Variants in ATP2C1 observed in about 807,000 individuals in gnomAD.
ATP2C1 encodes ATPase secretory pathway Ca2+ transporting 1, also known as calcium-transporting ATPase type 2C member 1.
A neutral mutation model predicts 120.5 loss-of-function variants in ATP2C1; 31 were observed. That is an observed-to-expected ratio of 0.26 (90% CI 0.19 to 0.35). The LOEUF (loss-of-function observed/expected upper bound fraction) is 0.35. ATP2C1 is among the 10% of genes least tolerant of loss of function. The probability of loss-of-function intolerance (pLI) is 1.00; values close to 1 mark genes in which losing one functional copy is unlikely to be tolerated. For missense variants in ATP2C1, 731 were observed against 1,107.5 expected (o/e 0.66, Z 4.83); for synonymous variants, 351 against 358.7 (o/e 0.98, Z 0.24).
chr3:131,014,149 G>A (rs2063462345), intron 26 of ATP2C1: 2 of 1,613,362 alleles, frequency 1.2e-6, no homozygotes, highest in Non-Finnish European at 1.7e-6. Context: ...CACTTGGTGT[G>A]TGCAGTGGTT....
intron 4 of ATP2C1, among the ~76,000 whole-genome samples, chr3:130,933,063 G>A (rs114736454): frequency 0.013 from 1,973 of 152,206 alleles, 39 homozygotes; most frequent in African/African-American, 0.045. Context: ...CATTAACATA[G>A]TTTACTCTGG....
intron 8 of ATP2C1, among the ~76,000 whole-genome samples, chr3:130,953,436 GT>G (rs200477416): frequency 0.065 from 9,905 of 151,516 alleles, 405 homozygotes; most frequent in Non-Finnish European, 0.095. Flanking sequence ...ATCGTCGATG[GT>G]TTTAATCTGC....
chr3:130,974,201 A>G (rs190473710), intron 17 of ATP2C1, among the ~76,000 whole-genome samples: 2 of 152,374 alleles, frequency 1.3e-5, no homozygotes, highest in Admixed American at 6.5e-5. Context: ...AGAGGTGGTT[A>G]TTAACTTTAT....
chr3:130,897,359 A>C (rs1391360478), intron 2 of ATP2C1, among the ~76,000 whole-genome samples: 1 of 152,216 alleles, frequency 6.6e-6, no homozygotes, highest in Non-Finnish European at 1.5e-5. Flanking sequence ...ACAAGTTACT[A>C]GGCTTCTAAG....
chr3:130,866,356 C>A (rs62280751), intron 1 of ATP2C1, among the ~76,000 whole-genome samples: 15,309 of 152,178 alleles, frequency 0.1, 883 homozygotes, highest in Non-Finnish European at 0.13. Flanking sequence ...GAAATGTTAT[C>A]CAACTTATTT....
intron 5 of ATP2C1, among the ~76,000 whole-genome samples, chr3:130,935,110 A>G (rs2059611200): frequency 6.6e-6 from 1 of 152,176 alleles, no homozygotes; most frequent in Non-Finnish European, 1.5e-5. Flanking sequence ...TCGAAATTAC[A>G]GGTGTGAGCC....
Position 131,001,593 on chromosome 3 carries a change from T to A in ATP2C1, c.*243T>A. The A allele has an allele frequency of 8.5e-7, 1 of 1,171,872 alleles. No individual in the cohort carries two copies. Among genetic ancestry groups the A allele is most frequent in the East Asian group, 5.0e-5 (1 of 19,954 alleles). 72.6% of individuals were successfully genotyped at this position (1,171,872 alleles called of 1,614,324 possible). On this transcript the variant is annotated 3_prime_UTR_variant, in exon 28 of 28. Transcript: ENST00000510168. ...TGATTGAGTGAAACTTTATAAAGCA[T>A]ATGGTCAGTTATTTAATTAAAAAGG...
intron 1 of ATP2C1, among the ~76,000 whole-genome samples, chr3:130,880,573 C>A (rs1449120456): frequency 1.3e-5 from 2 of 152,184 alleles, no homozygotes; most frequent in East Asian, 1.9e-4. Flanking sequence ...AATAAATTTT[C>A]TAAGCTAAAG....
intron 17 of ATP2C1, among the ~76,000 whole-genome samples, chr3:130,970,397 C>CAA (rs2061250716): frequency 6.7e-6 from 1 of 148,926 alleles, no homozygotes; most frequent in Non-Finnish European, 1.5e-5. Context: ...CACACACACA[C>CAA]ACACACACAC....
At chr3:130,912,943 G>T (rs1423261812) in intron 2 of ATP2C1, among the ~76,000 whole-genome samples, 1 of 151,076 alleles carries the variant, frequency 6.6e-6, no homozygotes, top group African/African-American at 2.4e-5. Context: ...ATGAGTTCAT[G>T]TCCTTTGTAG....
intron 4 of ATP2C1, 144 bp downstream of exon 4, chr3:130,932,282 G>A: frequency 1.6e-6 from 1 of 638,196 alleles, no homozygotes; most frequent in East Asian, 2.8e-5. Flanking sequence ...TCATTTGTTG[G>A]GGCTTACTGT....
At chr3:130,876,903 ATTG>A (rs1244067332) in intron 1 of ATP2C1, among the ~76,000 whole-genome samples, 6 of 151,638 alleles carry the variant, frequency 4.0e-5, no homozygotes, top group Admixed American at 2.0e-4. Context: ...ATTTCTTTTT[ATTG>A]TTGTTGTTAT....
downstream of ATP2C1, among the ~76,000 whole-genome samples, chr3:131,004,749 G>C (rs1236852065): frequency 6.6e-6 from 1 of 152,234 alleles, no homozygotes; most frequent in African/African-American, 2.4e-5. Flanking sequence ...CAGTAGGACA[G>C]TGCAGCCAAA....
chr3:130,955,758 A>G, intron 10 of ATP2C1: 1 of 241,548 alleles, frequency 4.1e-6, no homozygotes, highest in Non-Finnish European at 8.2e-6. Flanking sequence ...CAAAAGGGAA[A>G]AATTGGAAAA....
chr3:130,952,038 G>GA (rs1411338459), intron 8 of ATP2C1, among the ~76,000 whole-genome samples: 1 of 152,084 alleles, frequency 6.6e-6, no homozygotes, highest in Non-Finnish European at 1.5e-5. Context: ...GCCTTTACAT[G>GA]AAATCCACTC....
chr3:130,950,461 G>A (rs778752566), intron 8 of ATP2C1, among the ~76,000 whole-genome samples: 1 of 151,920 alleles, frequency 6.6e-6, no homozygotes, highest in Admixed American at 6.6e-5. Flanking sequence ...CTTCTCAGAC[G>A]AATTAAATTG....
rs114993640 is a variant in ATP2C1 at position 130,934,016 on chromosome 3, G to A, written c.235-606G>A. Among the ~76,000 whole-genome samples, 423 of 152,262 alleles carry A rather than the reference G, an allele frequency of 2.8e-3. 1 individual carries two copies. Among genetic ancestry groups the A allele is most frequent in the African/African-American group, 9.8e-3 (408 of 41,544 alleles). ...AGAATGTCCAACTGGAAGAATTTGGGGTTGACTCTGGTGTGAGGTCATTTA... is the reference window on the plus strand; with the variant it reads ...AGAATGTCCAACTGGAAGAATTTGGAGTTGACTCTGGTGTGAGGTCATTTA... On this transcript the variant is annotated intron_variant, in intron 4 of 27. Coordinates refer to ENST00000510168, the MANE Select transcript of ATP2C1 (RefSeq NM_001378687.1).
intron 8 of ATP2C1, among the ~76,000 whole-genome samples, chr3:130,950,568 C>G (rs987464206): frequency 2.0e-5 from 3 of 152,132 alleles, no homozygotes; most frequent in Non-Finnish European, 4.4e-5. Context: ...AAAACTCTTG[C>G]AATCACTATT....
chr3:130,970,461 G>A (rs1454737249), intron 17 of ATP2C1, among the ~76,000 whole-genome samples: 3 of 151,392 alleles, frequency 2.0e-5, no homozygotes, highest in African/African-American at 7.3e-5. Flanking sequence ...GCGTGACCTC[G>A]GGTCACTGCA....
Sources: gnomAD v4.1 joint callset for allele counts (sites outside exome capture counted in the v4.1 genomes callset) on GRCh38, gnomAD v4.1.1 for gene constraint, MANE v1.5 for transcripts, NCBI Gene and HGNC (gene_info 2026-07-23, HGNC 2026-07-21) for gene names.